Variants in CORO1C observed in about 807,000 individuals in gnomAD.
The protein encoded by CORO1C is coronin 1C, also known as coronin-1C.
CORO1C carries 14 observed loss-of-function variants against 51.2 expected under a neutral mutation model. The observed-to-expected ratio is 0.27, with a 90% CI of 0.18 to 0.43. The LOEUF is 0.43. Ranked by LOEUF, CORO1C falls within the 20% of genes least tolerant of loss-of-function variation. The pLI is 1.00. For missense variants in CORO1C, 417 were observed against 607.8 expected (o/e 0.69, Z 3.30); for synonymous variants, 181 against 210.5 (o/e 0.86, Z 1.21).
At chr12:108,666,902 G>A (rs888965602) in intron 3 of CORO1C, among the ~76,000 whole-genome samples, 4 of 152,084 alleles carry the variant, frequency 2.6e-5, no homozygotes, top group Non-Finnish European at 5.9e-5. Context: ...GCTTTCTTTG[G>A]AGCTAGACAG....
intron 1 of CORO1C, among the ~76,000 whole-genome samples, chr12:108,713,642 G>C (rs962590372): frequency 6.6e-6 from 1 of 152,190 alleles, no homozygotes; most frequent in Non-Finnish European, 1.5e-5. Flanking sequence ...TTCCAGGCCC[G>C]TCACGTTTCA....
intron 1 of CORO1C, among the ~76,000 whole-genome samples, chr12:108,726,701 C>A (rs1441359554): frequency 6.6e-6 from 1 of 150,856 alleles, no homozygotes; most frequent in Admixed American, 6.6e-5. Context: ...CCTTAAAATC[C>A]AATTTACAAC....
At chr12:108,679,126 AAAAGAAAC>A (rs2034026146) in intron 2 of CORO1C, among the ~76,000 whole-genome samples, 2 of 148,216 alleles carry the variant, frequency 1.3e-5, no homozygotes, top group African/African-American at 2.5e-5. Flanking sequence ...AAAAAAAAAA[AAAAGAAAC>A]AAGAAAAAAG....
chr12:108,677,900 T>A lies in CORO1C; in HGVS notation c.318+372A>T, dbSNP rs189031992. On this transcript the variant is annotated intron_variant, in intron 3 of 10. Transcript: ENST00000261401. ...CAGGTGTGGTAGCAGATGCCTGTAA[T>A]CCCAATTACTCGGGAGGCTGAGGCA... is the stretch of plus-strand genomic sequence containing the variant. 3.8e-4 allele frequency among the ~76,000 whole-genome samples: 58 copies of A among 151,794 alleles called. No individual in the cohort carries two copies. The East Asian group carries it at 0.01, about 27-fold the overall frequency.
chr12:108,658,875 C>T lies in CORO1C; in HGVS notation c.493G>A (p.Ala165Thr), dbSNP rs753288003. ...IIIWNVGTGE[A>T]LINLDDMHSD... ...TGCATATCGTCCAAGTTTATAAGGG[C>T]TTCCCCTGTTCCCACATTCCAGATG... The change falls in exon 5 of 11, where the codon GCC becomes ACC. Residue 165 changes from alanine (A) to threonine (T), a missense_variant. Transcript: ENST00000261401. This position sits in a 1 kb window ranked among gnomAD's most constrained non-coding sequence, Gnocchi z 4.9. The T allele has an allele frequency of 6.2e-7, 1 of 1,613,696 alleles. No individual in the cohort carries two copies. Among genetic ancestry groups the T allele is most frequent in the Non-Finnish European group, 8.5e-7 (1 of 1,179,586 alleles).
At chr12:108,726,284 T>A (rs2035588775) in intron 1 of CORO1C, among the ~76,000 whole-genome samples, 1 of 150,814 alleles carries the variant, frequency 6.6e-6, no homozygotes, top group Admixed American at 6.6e-5. Flanking sequence ...CCGGGTGTAG[T>A]GGCGGGCGCC....
At chr12:108,711,299 A>T (rs1314211008) in intron 1 of CORO1C, among the ~76,000 whole-genome samples, 1 of 152,014 alleles carries the variant, frequency 6.6e-6, no homozygotes, top group Non-Finnish European at 1.5e-5. Flanking sequence ...GAACCCAGGA[A>T]ATCAAGGCTG....
intron 1 of CORO1C, among the ~76,000 whole-genome samples, chr12:108,725,800 AATTT>A (rs201740792): frequency 4.6e-5 from 7 of 151,158 alleles, no homozygotes; most frequent in African/African-American, 9.8e-5. Context: ...GTGCTAAGTG[AATTT>A]ATTTATTTAT....
chr12:108,702,550 T>C (rs1244542476), intron 1 of CORO1C, among the ~76,000 whole-genome samples: 2 of 152,184 alleles, frequency 1.3e-5, no homozygotes, highest in Non-Finnish European at 2.9e-5. Flanking sequence ...GGACATTCTG[T>C]TCATGTTGGT....
In CORO1C at chr12:108,704,130, C is replaced by T. The variant is rs188008972; in HGVS notation, c.-5-2807G>A. ...ATAAATATGTAAAATGCTTTGTCTT[C>T]ATTGAAAGATACTATACAAATCTTC... On this transcript the variant is annotated intron_variant, in intron 1 of 10. Coordinates refer to ENST00000261401, the MANE Select transcript of CORO1C (RefSeq NM_014325.4). Among the ~76,000 whole-genome samples, 558 of 152,304 alleles carry T rather than the reference C, an allele frequency of 3.7e-3. 1 individual carries two copies. Among genetic ancestry groups the T allele is most frequent in the Middle Eastern group, 0.014 (4 of 294 alleles).
At chr12:108,668,701 ACT>A (rs1287731348) in intron 3 of CORO1C, among the ~76,000 whole-genome samples, 1 of 152,044 alleles carries the variant, frequency 6.6e-6, no homozygotes, top group African/African-American at 2.4e-5. Context: ...TATCTTTCCA[ACT>A]CCCAGACTCT....
chr12:108,713,504 A>G (rs1051937595), intron 1 of CORO1C, among the ~76,000 whole-genome samples: 4 of 152,262 alleles, frequency 2.6e-5, no homozygotes, highest in Non-Finnish European at 5.9e-5. Flanking sequence ...TTTCAATTCA[A>G]TAACTCAATA....
At chr12:108,710,761 G>A (rs1461327087) in intron 1 of CORO1C, among the ~76,000 whole-genome samples, 2 of 151,754 alleles carry the variant, frequency 1.3e-5, no homozygotes, top group East Asian at 1.9e-4. Context: ...ATGGGGTTTC[G>A]CCATGTTGGC....
intron 3 of CORO1C, among the ~76,000 whole-genome samples, chr12:108,677,665 T>C (rs925684530): frequency 5.3e-5 from 8 of 152,176 alleles, no homozygotes; most frequent in Admixed American, 4.6e-4. Context: ...CATTACAGAA[T>C]TACTGAAAAG....
At chr12:108,683,324 C>G (rs1167754933) in intron 2 of CORO1C, among the ~76,000 whole-genome samples, 1 of 150,490 alleles carries the variant, frequency 6.6e-6, no homozygotes, top group Non-Finnish European at 1.5e-5. Context: ...GAGGCTGAGG[C>G]AGGAGAAGTG....
chr12:108,713,246 T>C (rs181694730), intron 1 of CORO1C, among the ~76,000 whole-genome samples: 67 of 152,382 alleles, frequency 4.4e-4, no homozygotes, highest in African/African-American at 1.6e-3. Flanking sequence ...ATTCCACTGC[T>C]GATATGGACT....
chr12:108,720,397 A>G (rs1263213251), intron 1 of CORO1C, among the ~76,000 whole-genome samples: 1 of 152,244 alleles, frequency 6.6e-6, no homozygotes, highest in African/African-American at 2.4e-5. Context: ...TGCTTTACAA[A>G]TAAAGCATGT....
rs183228820 is a variant in CORO1C at position 108,709,032 on chromosome 12, G to A, written c.-5-7709C>T. ...AGCCTTCCAAACTGCTTGGATTATAGGCATTAGCCACCATGCCTGGTGTGT... is the reference window on the plus strand; with the variant it reads ...AGCCTTCCAAACTGCTTGGATTATAAGCATTAGCCACCATGCCTGGTGTGT... On this transcript the variant is annotated intron_variant, in intron 1 of 10. Coordinates refer to ENST00000261401, the MANE Select transcript of CORO1C (RefSeq NM_014325.4). 5.4e-3 allele frequency among the ~76,000 whole-genome samples: 823 copies of A among 152,024 alleles called. 11 individuals are homozygous for A. Among genetic ancestry groups the A allele is most frequent in the South Asian group, 8.9e-3 (43 of 4,816 alleles).
At chr12:108,702,862 GA>G in intron 1 of CORO1C, 1 of 1,535,778 alleles carries the variant, frequency 6.5e-7, no homozygotes, top group Non-Finnish European at 8.7e-7. Context: ...GCTGAAGTAA[GA>G]GACCCTTGGC....
Sources: gnomAD v4.1 joint callset for allele counts (sites outside exome capture counted in the v4.1 genomes callset) on GRCh38, gnomAD v4.1.1 for gene constraint, Gnocchi (gnomAD v3.1) non-coding constraint, MANE v1.5 for transcripts, NCBI Gene and HGNC (gene_info 2026-07-23, HGNC 2026-07-21) for gene names.